Variants in PTPRZ1 observed in about 807,000 individuals in gnomAD.
The protein encoded by PTPRZ1 is protein tyrosine phosphatase receptor type Z1, also known as receptor-type tyrosine-protein phosphatase zeta.
In PTPRZ1, 82 loss-of-function variants were observed where a neutral mutation model predicts 214.1. That is an observed-to-expected ratio of 0.38 (90% CI 0.32 to 0.46). The LOEUF is 0.46. PTPRZ1 is among the 20% of genes least tolerant of loss of function. The probability of loss-of-function intolerance (pLI) is 1.00; values close to 1 mark genes in which losing one functional copy is unlikely to be tolerated. For synonymous variants in PTPRZ1, 945 were observed against 987.9 expected, an observed-to-expected ratio of 0.96 and a Z score of 0.81; for missense variants, 2,603 against 2,748.7, an observed-to-expected ratio of 0.95 and a Z score of 1.19.
chr7:121,873,265 G>C lies in PTPRZ1; in HGVS notation c.-235G>C. On this transcript the variant is annotated 5_prime_UTR_variant, in exon 1 of 30. Coordinates refer to ENST00000393386, the MANE Select transcript of PTPRZ1 (RefSeq NM_002851.3). ...CCCCACCACCGTGCGGCTTTCTCCA[G>C]ATTATTCCTCTCTCGCTGTCTCTGA... is the stretch of plus-strand genomic sequence containing the variant. 2.1e-6 allele frequency: 1 copy of C among 479,946 alleles called. No individual in the cohort carries two copies. The allele number at this position is 479,946 out of a possible 1,614,324, so 29.7% of individuals were successfully genotyped here. A position where few individuals can be genotyped will look rare whatever the true frequency, so the allele number is the denominator to read the frequency against.
intron 23 of PTPRZ1, among the ~76,000 whole-genome samples, chr7:122,048,815 G>A (rs977302822): frequency 6.6e-6 from 1 of 151,960 alleles, no homozygotes; most frequent in Non-Finnish European, 1.5e-5. Flanking sequence ...AATTTTTAAG[G>A]CACAGAAAAT....
intron 13 of PTPRZ1, among the ~76,000 whole-genome samples, chr7:122,020,576 A>T (rs922616249): frequency 6.6e-6 from 1 of 152,196 alleles, no homozygotes; most frequent in Non-Finnish European, 1.5e-5. Context: ...TTTCGGACAC[A>T]GTGAGGTCTG....
In PTPRZ1 at chr7:122,060,015, C is replaced by G; in HGVS notation, c.6807+127C>G. On this transcript the variant is annotated intron_variant, in intron 29 of 29. Transcript: ENST00000393386. ...ATAACATTAGTATGTAGTTTTCAAG[C>G]TGAATTACAAGTCCACAATCCATAG... 6.4e-6 allele frequency: 6 copies of G among 936,672 alleles called. No individual in the cohort carries two copies. In the South Asian group the frequency reaches 1.2e-4, roughly 19 times the overall value. 58.0% of individuals were successfully genotyped at this position (936,672 alleles called of 1,614,324 possible).
intron 26 of PTPRZ1, 117 bp downstream of exon 26, chr7:122,054,155 T>A: frequency 8.5e-7 from 1 of 1,172,082 alleles, no homozygotes; most frequent in Non-Finnish European, 1.2e-6. Context: ...AATAAACTAA[T>A]GTCATTGAAG....
intron 4 of PTPRZ1, among the ~76,000 whole-genome samples, chr7:121,973,940 G>GAA (rs371692415): frequency 0.39 from 33,664 of 86,228 alleles, 6,714 homozygotes; most frequent in South Asian, 0.55. Context: ...TCTCAAAAAA[G>GAA]AAAAAAAAAA....
At chr7:121,950,708 C>T (rs1256854765) in intron 2 of PTPRZ1, among the ~76,000 whole-genome samples, 3 of 152,204 alleles carry the variant, frequency 2.0e-5, no homozygotes, top group Non-Finnish European at 2.9e-5. Flanking sequence ...CTGTAATTCT[C>T]GTTGCATTGA....
In PTPRZ1 at chr7:121,947,236, T is replaced by A. The variant is rs139147661; in HGVS notation, c.124+19015T>A. Among the ~76,000 whole-genome samples, 463 of 150,264 alleles carry A rather than the reference T, an allele frequency of 3.1e-3. 3 individuals carry two copies. The highest frequency in any genetic ancestry group is 5.5e-3 in the Non-Finnish European group (370 of 67,682). On this transcript the variant is annotated intron_variant, in intron 2 of 29. Coordinates refer to ENST00000393386, the MANE Select transcript of PTPRZ1 (RefSeq NM_002851.3). ...AAAAAGTCTGTTCTGTACTTGAACCTTTTCTCTAAGTTTAAAATTATAAAA... is the reference window on the plus strand; with the variant it reads ...AAAAAGTCTGTTCTGTACTTGAACCATTTCTCTAAGTTTAAAATTATAAAA...
chr7:121,958,572 C>G (rs1005110775), intron 2 of PTPRZ1, among the ~76,000 whole-genome samples: 2 of 152,108 alleles, frequency 1.3e-5, no homozygotes, highest in African/African-American at 4.8e-5. Flanking sequence ...CTGATGTTCC[C>G]CAGACCAGTG....
At chr7:121,901,009 A>C (rs1396701103) in intron 1 of PTPRZ1, among the ~76,000 whole-genome samples, 2 of 152,188 alleles carry the variant, frequency 1.3e-5, no homozygotes, top group African/African-American at 4.8e-5. Context: ...AATATCATGT[A>C]GCTGCTAAGT....
At chr7:121,988,299 A>G (rs976477909) in intron 8 of PTPRZ1, among the ~76,000 whole-genome samples, 6 of 152,298 alleles carry the variant, frequency 3.9e-5, no homozygotes, top group Admixed American at 2.6e-4. Flanking sequence ...ACTAATATGC[A>G]CATTTATGAT....
At chr7:121,897,169 T>C (rs1442216045) in intron 1 of PTPRZ1, among the ~76,000 whole-genome samples, 1 of 152,232 alleles carries the variant, frequency 6.6e-6, no homozygotes, top group African/African-American at 2.4e-5. Flanking sequence ...CTTGTTATTA[T>C]TGGTCTTTTA....
At chr7:121,957,662 C>T (rs1473620247) in intron 2 of PTPRZ1, among the ~76,000 whole-genome samples, 1 of 152,170 alleles carries the variant, frequency 6.6e-6, no homozygotes, top group Non-Finnish European at 1.5e-5. Context: ...CATATATTAT[C>T]TGATTTAATT....
At chr7:121,987,431 G>T (rs1347366365) in intron 8 of PTPRZ1, among the ~76,000 whole-genome samples, 2 of 152,170 alleles carry the variant, frequency 1.3e-5, no homozygotes, top group Non-Finnish European at 2.9e-5. Context: ...ACCCAGTAAT[G>T]GGATTGCTGG....
intron 1 of PTPRZ1, among the ~76,000 whole-genome samples, chr7:121,915,057 A>G (rs994791282): frequency 2.0e-5 from 3 of 152,094 alleles, no homozygotes; most frequent in Admixed American, 2.0e-4. Flanking sequence ...TCTCCCTGCT[A>G]ATCAAGACCC....
At chr7:121,985,885 C>T (rs1797751379) in intron 8 of PTPRZ1, among the ~76,000 whole-genome samples, 1 of 152,220 alleles carries the variant, frequency 6.6e-6, no homozygotes, top group African/African-American at 2.4e-5. Context: ...CTCTGAGCCC[C>T]ATAATGGAAG....
At chr7:121,907,652 G>A (rs1045792673) in intron 1 of PTPRZ1, among the ~76,000 whole-genome samples, 1 of 151,684 alleles carries the variant, frequency 6.6e-6, no homozygotes, top group Non-Finnish European at 1.5e-5. Flanking sequence ...TCTTTGGAAA[G>A]GCCTAAACTC....
In PTPRZ1 at chr7:122,053,847, T is replaced by G; in HGVS notation, c.6253-63T>G. On this transcript the variant is annotated intron_variant, in intron 25 of 29. Coordinates refer to ENST00000393386, the MANE Select transcript of PTPRZ1 (RefSeq NM_002851.3). ...GACTTAAGGTCCATTGATGTATAAATGCTTATCTGAATGTTTAAAGGCATA... is the reference window on the plus strand; with the variant it reads ...GACTTAAGGTCCATTGATGTATAAAGGCTTATCTGAATGTTTAAAGGCATA... 6 of 1,585,006 alleles carry G rather than the reference T, an allele frequency of 3.8e-6. No homozygotes were observed. The East Asian group carries it at 1.3e-4, about 36-fold the overall frequency.
rs188463897 is a variant in PTPRZ1 at position 121,998,020 on chromosome 7, G to T, written c.1240+14G>T. ...CTGATAATCCTGGTAAGTGCCACCA[G>T]ATACATCTATATATTAACTCAATAA... On this transcript the variant is annotated intron_variant, in intron 10 of 29. Coordinates refer to ENST00000393386, the MANE Select transcript of PTPRZ1 (RefSeq NM_002851.3). 3.8e-5 allele frequency: 61 copies of T among 1,609,954 alleles called. No individual in the cohort carries two copies. The highest frequency in any genetic ancestry group is 1.8e-4 in the Admixed American group (11 of 59,594).
At chr7:121,875,101 A>G (rs918148226) in intron 1 of PTPRZ1, among the ~76,000 whole-genome samples, 1 of 152,086 alleles carries the variant, frequency 6.6e-6, no homozygotes, top group African/African-American at 2.4e-5. Flanking sequence ...AAAATGGTCC[A>G]GTGGTTTTTA....
Sources: gnomAD v4.1 joint callset for allele counts (sites outside exome capture counted in the v4.1 genomes callset) on GRCh38, gnomAD v4.1.1 for gene constraint, MANE v1.5 for transcripts, NCBI Gene and HGNC (gene_info 2026-07-23, HGNC 2026-07-21) for gene names.